The following RERG variants were observed in gnomAD, a reference collection of about 807,000 sequenced individuals.
RERG encodes the protein ras-related and estrogen-regulated growth inhibitor.
In RERG, 25 loss-of-function variants were observed where a neutral mutation model predicts 23.2. The ratio of observed to expected loss-of-function variants is 1.08; its 90% confidence interval spans 0.79 to 1.50. The LOEUF (loss-of-function observed/expected upper bound fraction) is 1.50. RERG is among the 40% of genes most tolerant of loss of function. RERG has a pLI of 0.00. For synonymous variants in RERG, 81 were observed against 89.1 expected, an observed-to-expected ratio of 0.91 and a Z score of 0.51; for missense variants, 253 against 250.1, an observed-to-expected ratio of 1.01 and a Z score of -0.08.
chr12:15,130,630 C>T (rs929637680), intron 2 of RERG, among the ~76,000 whole-genome samples: 2 of 151,564 alleles, frequency 1.3e-5, no homozygotes. Context: ...AAAATGAATG[C>T]TATATAAAAT....
At chr12:15,152,810 T>C (rs1326516768) in intron 2 of RERG, among the ~76,000 whole-genome samples, 3 of 152,208 alleles carry the variant, frequency 2.0e-5, no homozygotes, top group African/African-American at 7.2e-5. Flanking sequence ...TATTAAAGCC[T>C]AATATTATTA....
chr12:15,152,261 T>G (rs1864455792), intron 2 of RERG, among the ~76,000 whole-genome samples: 1 of 152,184 alleles, frequency 6.6e-6, no homozygotes, highest in Non-Finnish European at 1.5e-5. Flanking sequence ...GGAAAACTAG[T>G]GCTTTTCATT....
chr12:15,207,133 A>T (rs1865302876), intron 2 of RERG, among the ~76,000 whole-genome samples: 1 of 152,132 alleles, frequency 6.6e-6, no homozygotes, highest in African/African-American at 2.4e-5. Context: ...TTTCACTAGA[A>T]TTTCTCATCG....
intron 4 of RERG, among the ~76,000 whole-genome samples, chr12:15,110,079 CT>C (rs543952851): frequency 5.7e-4 from 87 of 151,514 alleles, no homozygotes; most frequent in African/African-American, 2.0e-3. Context: ...AAGGATTTGG[CT>C]TTTTTTTTCT....
intron 2 of RERG, among the ~76,000 whole-genome samples, chr12:15,169,033 A>C (rs906645863): frequency 6.6e-6 from 1 of 152,056 alleles, no homozygotes; most frequent in African/African-American, 2.4e-5. Context: ...ATGACTCTGG[A>C]GATGAAAGGT....
At chr12:15,183,140 T>C (rs1864947385) in intron 2 of RERG, among the ~76,000 whole-genome samples, 1 of 152,114 alleles carries the variant, frequency 6.6e-6, no homozygotes, top group South Asian at 2.1e-4. Flanking sequence ...GCAAATATTA[T>C]AAAAAGTTGG....
intron 3 of RERG, among the ~76,000 whole-genome samples, chr12:15,118,682 C>G (rs998771998): frequency 5.0e-5 from 7 of 139,318 alleles, no homozygotes; most frequent in Non-Finnish European, 1.1e-4. Flanking sequence ...CTAGTGGGAT[C>G]TGGTTGTTTT....
intron 2 of RERG, among the ~76,000 whole-genome samples, chr12:15,163,935 G>A (rs941494302): frequency 6.6e-6 from 1 of 152,086 alleles, no homozygotes; most frequent in Non-Finnish European, 1.5e-5. Flanking sequence ...AGTGGAGAGA[G>A]GAGAGAGAGA....
At chr12:15,185,492 C>T (rs940841000) in intron 2 of RERG, among the ~76,000 whole-genome samples, 3 of 152,056 alleles carry the variant, frequency 2.0e-5, no homozygotes, top group Admixed American at 2.0e-4. Flanking sequence ...CCCTACCTCC[C>T]GCTAGGTGAA....
intron 4 of RERG, 139 bp from the exon 5 acceptor site, chr12:15,109,656 A>C: frequency 1.6e-6 from 1 of 621,498 alleles, no homozygotes. Context: ...CTAATTGTAC[A>C]AACTTTCTAA....
intron 2 of RERG, among the ~76,000 whole-genome samples, chr12:15,124,423 A>C (rs4764171): frequency 0.12 from 18,421 of 152,102 alleles, 1,175 homozygotes; most frequent in African/African-American, 0.13. Flanking sequence ...GTAAACTAAC[A>C]CACATGCTAT....
intron 3 of RERG, among the ~76,000 whole-genome samples, chr12:15,114,351 G>C (rs1207438297): frequency 2.0e-5 from 3 of 152,058 alleles, no homozygotes; most frequent in Non-Finnish European, 4.4e-5. Flanking sequence ...GCAAAAAGTT[G>C]ATTAATATCT....
chr12:15,185,162 A>T (rs1864972968), intron 2 of RERG, among the ~76,000 whole-genome samples: 1 of 152,172 alleles, frequency 6.6e-6, no homozygotes, highest in Non-Finnish European at 1.5e-5. Context: ...AATTGCCACA[A>T]TTGTCAGAAT....
chr12:15,186,347 C>T (rs1387841452), intron 2 of RERG, among the ~76,000 whole-genome samples: 1 of 151,554 alleles, frequency 6.6e-6, no homozygotes, highest in Non-Finnish European at 1.5e-5. Context: ...GTTTGCTGGG[C>T]CATGTGCTCC....
chr12:15,171,304 A>G (rs1192785902), intron 2 of RERG, among the ~76,000 whole-genome samples: 1 of 152,354 alleles, frequency 6.6e-6, no homozygotes, highest in Admixed American at 6.5e-5. Flanking sequence ...TTGAATTTAC[A>G]GTACGATTAG....
intron 2 of RERG, among the ~76,000 whole-genome samples, chr12:15,191,076 T>C (rs1225353060): frequency 6.6e-6 from 1 of 152,142 alleles, no homozygotes; most frequent in Non-Finnish European, 1.5e-5. Context: ...CCCTTGCCAT[T>C]TCCTATAGGT....
intron 2 of RERG, among the ~76,000 whole-genome samples, chr12:15,124,991 C>G (rs1170935327): frequency 6.6e-6 from 1 of 151,844 alleles, no homozygotes; most frequent in East Asian, 1.9e-4. Context: ...TACTCTACAA[C>G]AGTACAACAT....
intron 2 of RERG, among the ~76,000 whole-genome samples, chr12:15,126,584 A>G (rs1421057709): frequency 6.6e-6 from 1 of 152,122 alleles, no homozygotes; most frequent in Admixed American, 6.5e-5. Context: ...AGCGCCCTTA[A>G]AAGCCCAAAT....
chr12:15,177,135 G>A (rs890783704), intron 2 of RERG, among the ~76,000 whole-genome samples: 4 of 152,182 alleles, frequency 2.6e-5, no homozygotes, highest in African/African-American at 9.6e-5. Context: ...ATTTTGGCAT[G>A]ATAAGTTCTA....
Sources: allele counts gnomAD v4.1 joint callset (sites outside exome capture counted in the v4.1 genomes callset), GRCh38; gene constraint gnomAD v4.1.1; transcripts MANE v1.5; gene names NCBI Gene and HGNC (gene_info 2026-07-23, HGNC 2026-07-21).